AFDN: variants seen among roughly 807,000 people sequenced by gnomAD.
The protein encoded by AFDN is afadin, adherens junction formation factor.
In AFDN, 68 loss-of-function variants were observed where a neutral mutation model predicts 216.6. That is an observed-to-expected ratio of 0.31 (90% confidence interval 0.26 to 0.38). The LOEUF (loss-of-function observed/expected upper bound fraction) is 0.38, where lower values mean the gene tolerates loss of function less well. Among genes scored for constraint, AFDN ranks in the 10% least tolerant of loss-of-function variants. AFDN has a pLI of 1.00. For synonymous variants in AFDN, 868 were observed against 853.7 expected, an observed-to-expected ratio of 1.02 and a Z score of -0.29; for missense variants, 2,136 against 2,342.0, an observed-to-expected ratio of 0.91 and a Z score of 1.82.
chr6:167,852,021 GTTC>G (rs897576214), intron 1 of AFDN, among the ~76,000 whole-genome samples: 5 of 152,004 alleles, frequency 3.3e-5, no homozygotes, highest in African/African-American at 1.2e-4. Flanking sequence ...TCAGTTTGTC[GTTC>G]TTAATTTTGT....
intron 4 of AFDN, among the ~76,000 whole-genome samples, chr6:167,872,895 T>TACA (rs1352772625): frequency 6.6e-6 from 1 of 152,188 alleles, no homozygotes; most frequent in Non-Finnish European, 1.5e-5. Flanking sequence ...TTTAAGTGTT[T>TACA]GAGGATCTGA....
chr6:167,853,944 G>T (rs535791602), intron 1 of AFDN, among the ~76,000 whole-genome samples: 2 of 151,880 alleles, frequency 1.3e-5, no homozygotes, highest in East Asian at 1.9e-4. Flanking sequence ...ATAGCCTTTC[G>T]CATTTCATAT....
At chr6:167,954,474 C>T in intron 30 of AFDN, 1 of 1,602,650 alleles carries the variant, frequency 6.2e-7, no homozygotes, top group Admixed American at 1.7e-5. Context: ...GCTATGCCAG[C>T]AATCTCTGTT....
rs1043404866 is a variant in AFDN, at chr6:167,947,663, G to T, written c.3554-190G>T. ...AGGTTTTTTTGTAGCTCTGGGCTCT[G>T]ATTATTTAAAAGATGGATGTGGATA... On this transcript the variant is annotated intron_variant, in intron 27 of 33. Coordinates refer to ENST00000683244, the MANE Select transcript of AFDN (RefSeq NM_001386888.1). 5.3e-5 allele frequency among the ~76,000 whole-genome samples: 8 copies of T among 151,854 alleles called. 1 individual carries two copies. The highest frequency in any genetic ancestry group is 5.2e-4 in the Admixed American group (8 of 15,264).
intron 30 of AFDN, chr6:167,952,445 A>G (rs1796102038): frequency 3.0e-6 from 3 of 985,228 alleles, no homozygotes; most frequent in Admixed American, 1.2e-4. Context: ...TCATTAGCAA[A>G]CTCATAATTA....
intron 24 of AFDN, 89 bp from the exon 25 acceptor site, chr6:167,943,313 T>C: frequency 1.4e-6 from 2 of 1,431,288 alleles, no homozygotes; most frequent in South Asian, 1.2e-5. Flanking sequence ...GAAGAACAAA[T>C]AGAGTATCTA....
In AFDN at chr6:167,880,439, T is replaced by C. The variant is rs1169991864; in HGVS notation, c.819T>C (p.Pro273=). The change falls in exon 6 of 34, where the codon CCT becomes CCC. Residue 273 remains proline, a synonymous_variant. Transcript: ENST00000683244. ...CAATCCTGCTGTCTACTACAGATCC[T>C]GCAGACTTTGCTGTGGCTGAAGCTT... ...YKTILLSTTD[P]ADFAVAEALE... 1 of 1,613,854 alleles carries C rather than the reference T, an allele frequency of 6.2e-7. No individual in the cohort carries two copies. The highest frequency in any genetic ancestry group is 2.2e-5 in the East Asian group (1 of 44,846).
At chr6:167,914,046 A>G in intron 16 of AFDN, 122 bp from the exon 17 acceptor site, 10 of 1,053,386 alleles carry the variant, frequency 9.5e-6, no homozygotes, top group Non-Finnish European at 1.4e-5. Context: ...TATCTGTGGT[A>G]AATACCTTGG....
At chr6:167,963,393 A>G (rs966427272) in intron 31 of AFDN, 23 of 1,056,672 alleles carry the variant, frequency 2.2e-5, no homozygotes, top group Non-Finnish European at 2.6e-5. Context: ...AGAAGCTTTC[A>G]GTGTTACAAC....
At chr6:167,924,431 G>C (rs990596105) in intron 22 of AFDN, among the ~76,000 whole-genome samples, 1 of 152,188 alleles carries the variant, frequency 6.6e-6, no homozygotes, top group South Asian at 2.1e-4. Context: ...TCCTTACCCA[G>C]CCAGGCGGGC....
rs184197874 is a variant in AFDN, at chr6:167,937,180, G to A, written c.3100-5949G>A. ...AAATGTCCATGAAGCAGAGCAGTCCGTGAAGTGGAGGCCCGAATGCCGACC... is the reference window on the plus strand; with the variant it reads ...AAATGTCCATGAAGCAGAGCAGTCCATGAAGTGGAGGCCCGAATGCCGACC... On this transcript the variant is annotated intron_variant, in intron 23 of 33. Transcript: ENST00000683244. Among the ~76,000 whole-genome samples, 16 of 152,302 alleles carry A rather than the reference G, an allele frequency of 1.1e-4. No homozygotes were observed. The South Asian group carries it at 1.5e-3, about 14-fold the overall frequency.
intron 13 of AFDN, among the ~76,000 whole-genome samples, chr6:167,909,933 A>C (rs1790177109): frequency 6.6e-6 from 1 of 152,364 alleles, no homozygotes; most frequent in African/African-American, 2.4e-5. Flanking sequence ...TTGAAATGTT[A>C]AGGAAGCTAA....
In AFDN at chr6:167,951,078, T is replaced by G; in HGVS notation, c.3832-108T>G. 1 of 1,416,478 alleles carries G rather than the reference T, an allele frequency of 7.1e-7. No individual in the cohort carries two copies. 87.7% of individuals were successfully genotyped at this position (1,416,478 alleles called of 1,614,324 possible). A position where few individuals can be genotyped will look rare whatever the true frequency, so the allele number is the denominator to read the frequency against. The stretch of plus-strand genomic sequence containing the variant: ...TTGTAGGGCAGTCTCAGTCTCTTTC[T>G]GTACACTGATTTAACAGTTTTTCTT... On this transcript the variant is annotated intron_variant, in intron 29 of 33. Coordinates refer to ENST00000683244, the MANE Select transcript of AFDN (RefSeq NM_001386888.1). This position sits in a 1 kb window ranked among gnomAD's most constrained non-coding sequence, Gnocchi z 7.1.
At chr6:167,891,611 A>G (rs1379586633) in intron 8 of AFDN, among the ~76,000 whole-genome samples, 1 of 152,144 alleles carries the variant, frequency 6.6e-6, no homozygotes, top group Non-Finnish European at 1.5e-5. Flanking sequence ...TAGAACTCTT[A>G]ATACACTAAA....
At chr6:167,827,579 C>CGGCGCGGGG (rs1009729987) in intron 1 of AFDN, 9 of 144,796 alleles carry the variant, frequency 6.2e-5, no homozygotes, top group African/African-American at 1.7e-4. Context: ...TCATCCCCGG[C>CGGCGCGGGG]GGCGCGGGGG....
At chr6:167,846,141 A>G (rs1428322200) in intron 1 of AFDN, among the ~76,000 whole-genome samples, 2 of 151,838 alleles carry the variant, frequency 1.3e-5, no homozygotes, top group Non-Finnish European at 2.9e-5. Context: ...CTTGAGTTAC[A>G]GCGGATAGCT....
In AFDN at chr6:167,864,313, A is replaced by G. The variant is rs373847053; in HGVS notation, c.106-238A>G. 5.0e-5 allele frequency: 36 copies of G among 715,440 alleles called. No homozygotes were observed. In the Middle Eastern group the frequency reaches 1.2e-3, roughly 24 times the overall value. The allele number at this position is 715,440 out of a possible 1,614,324, so 44.3% of individuals were successfully genotyped here. A position where few individuals can be genotyped will look rare whatever the true frequency, so the allele number is the denominator to read the frequency against. ...ATGTTAGCTGTTGATAACATCATCT[A>G]TTTGACAGCCATTATTTCATACGTG... On this transcript the variant is annotated intron_variant, in intron 1 of 33. Transcript: ENST00000683244.
At chr6:167,900,719 G>A (rs986189078) in intron 11 of AFDN, among the ~76,000 whole-genome samples, 11 of 152,172 alleles carry the variant, frequency 7.2e-5, no homozygotes, top group African/African-American at 2.7e-4. Flanking sequence ...GGAAGTTAGG[G>A]GTGGACACTG....
At chr6:167,862,163 G>T (rs565289356) in intron 1 of AFDN, among the ~76,000 whole-genome samples, 1 of 152,104 alleles carries the variant, frequency 6.6e-6, no homozygotes, top group Admixed American at 6.5e-5. Context: ...TCCGTGGAAG[G>T]GGGTAGCGGC....
Sources: gnomAD v4.1 joint callset for allele counts (sites outside exome capture counted in the v4.1 genomes callset) on GRCh38, gnomAD v4.1.1 for gene constraint, Gnocchi (gnomAD v3.1) non-coding constraint, MANE v1.5 for transcripts, NCBI Gene and HGNC (gene_info 2026-07-23, HGNC 2026-07-21) for gene names.